RBPMS2: variants seen among roughly 807,000 people sequenced by gnomAD.
The protein encoded by RBPMS2 is RNA binding protein, mRNA processing factor 2.
Under a neutral mutation model 25.7 loss-of-function variants are expected in RBPMS2, and 14 were observed. That is an observed-to-expected ratio of 0.55 (90% CI 0.36 to 0.85). The LOEUF (loss-of-function observed/expected upper bound fraction) is 0.85, where lower values mean the gene tolerates loss of function less well. Ranked by LOEUF, RBPMS2 falls within the 40% of genes least tolerant of loss-of-function variation. The probability of loss-of-function intolerance (pLI) is 0.01; values close to 1 mark genes in which losing one functional copy is unlikely to be tolerated. For missense variants in RBPMS2, 252 were observed against 283.4 expected (o/e 0.89, Z 0.80); for synonymous variants, 127 against 115.6 (o/e 1.10, Z -0.63).
At chr15:64,770,933 C>A (rs566461275) in intron 1 of RBPMS2, among the ~76,000 whole-genome samples, 27 of 152,292 alleles carry the variant, frequency 1.8e-4, no homozygotes, top group Non-Finnish European at 3.4e-4. Context: ...GGATACCAGG[C>A]CTGCAAGCAG....
At chr15:64,760,419 GATGGAAAAGGTA>G (rs2083773074) in intron 1 of RBPMS2, among the ~76,000 whole-genome samples, 1 of 152,184 alleles carries the variant, frequency 6.6e-6, no homozygotes, top group South Asian at 2.1e-4. Context: ...TTTTATTAGT[GATGGAAAAGGTA>G]AACACTGCTT....
intron 6 of RBPMS2, among the ~76,000 whole-genome samples, chr15:64,745,759 G>C (rs903168387): frequency 6.6e-6 from 1 of 152,170 alleles, no homozygotes; most frequent in African/African-American, 2.4e-5. Flanking sequence ...TGCCAAGACA[G>C]AGCAGGACCA....
At chr15:64,758,380 G>A (rs1253791617) in intron 1 of RBPMS2, among the ~76,000 whole-genome samples, 1 of 152,252 alleles carries the variant, frequency 6.6e-6, no homozygotes, top group African/African-American at 2.4e-5. Context: ...AGGTACACCT[G>A]TAGTCACATG....
intron 6 of RBPMS2, among the ~76,000 whole-genome samples, chr15:64,744,809 T>TTTG (rs2083602564): frequency 9.6e-6 from 1 of 104,590 alleles, no homozygotes; most frequent in African/African-American, 4.0e-5. Flanking sequence ...TTTTTTTTTT[T>TTTG]TTTTTTTTTT....
In RBPMS2 at chr15:64,749,043, G is replaced by T. The variant is rs147479047; in HGVS notation, c.375C>A (p.Asn125Lys). ...SKLMATPNPS[N>K]VHPALGAHFI... ...AGTGTGCTCCTAGGGCGGGGTGCAC[G>T]TTGCTGGGATTTGGAGTTGCCATTA... The change falls in exon 5 of 8, where the codon AAC becomes AAA. Residue 125 changes from asparagine (N) to lysine (K), a missense_variant. Asn to Lys is a moderately conservative substitution (Grantham distance 94, BLOSUM62 0). Coordinates refer to ENST00000300069, the MANE Select transcript of RBPMS2 (RefSeq NM_194272.3). The T allele has an allele frequency of 6.2e-7, 1 of 1,614,074 alleles. No homozygotes were observed. Among genetic ancestry groups the T allele is most frequent in the African/African-American group, 1.3e-5 (1 of 74,920 alleles).
At chr15:64,744,140 G>GA (rs974248174) in intron 6 of RBPMS2, among the ~76,000 whole-genome samples, 11 of 144,696 alleles carry the variant, frequency 7.6e-5, no homozygotes, top group South Asian at 2.2e-4. Context: ...AAAGAGAAAG[G>GA]AAAAAAAAAA....
intron 1 of RBPMS2, among the ~76,000 whole-genome samples, chr15:64,771,364 A>C (rs2083891645): frequency 6.6e-6 from 1 of 152,204 alleles, no homozygotes; most frequent in Non-Finnish European, 1.5e-5. Flanking sequence ...CAGATGTTCA[A>C]GTCTCTTATA....
At chr15:64,762,131 C>T (rs970528485) in intron 1 of RBPMS2, among the ~76,000 whole-genome samples, 1 of 152,134 alleles carries the variant, frequency 6.6e-6, no homozygotes, top group Non-Finnish European at 1.5e-5. Context: ...CTGGCCTGGT[C>T]TTCAGCTCAT....
intron 1 of RBPMS2, among the ~76,000 whole-genome samples, chr15:64,765,226 CAAAAAAAAAAAA>C (rs34231406): frequency 1.2e-4 from 6 of 50,902 alleles, no homozygotes; most frequent in East Asian, 6.8e-4. Context: ...GACTCTGTCT[CAAAAAAAAAAAA>C]AAAAAAAAAA....
At chr15:64,756,807 T>A in intron 1 of RBPMS2, among the ~76,000 whole-genome samples, 1 of 5,074 alleles carries the variant, frequency 2.0e-4, no homozygotes, top group African/African-American at 2.5e-4. Context: ...CGCCCAGCTC[T>A]TTTTTTTTTT....
chr15:64,750,274 AC>A, intron 3 of RBPMS2, 68 bp downstream of exon 3: 1 of 1,360,896 alleles, frequency 7.3e-7, no homozygotes. Flanking sequence ...GGAAGGGTTA[AC>A]GGGCCCTTGT....
chr15:64,765,030 G>C (rs930065566), intron 1 of RBPMS2, among the ~76,000 whole-genome samples: 3 of 150,470 alleles, frequency 2.0e-5, no homozygotes, highest in African/African-American at 7.4e-5. Flanking sequence ...TTCGGGACCA[G>C]CCTGGCCAAC....
chr15:64,753,422 T>C (rs1028841070), intron 1 of RBPMS2, among the ~76,000 whole-genome samples: 6 of 152,096 alleles, frequency 3.9e-5, no homozygotes, highest in African/African-American at 1.4e-4. Context: ...GTGGCTTGTC[T>C]CAGGAAGCTG....
intron 2 of RBPMS2, among the ~76,000 whole-genome samples, chr15:64,750,902 G>C (rs557228828): frequency 2.0e-5 from 3 of 151,268 alleles, no homozygotes; most frequent in African/African-American, 7.3e-5. Context: ...GCCAGGCATG[G>C]TGGAGGGTGC....
intron 1 of RBPMS2, among the ~76,000 whole-genome samples, chr15:64,759,775 C>T (rs538009376): frequency 7.7e-4 from 117 of 152,248 alleles, no homozygotes; most frequent in Non-Finnish European, 1.4e-3. Context: ...CGTGTTCAAG[C>T]GATTCTCCTG....
rs1473239368 is a variant in RBPMS2 at position 64,741,071 on chromosome 15, C to G, written c.*8-71G>C. 4.6e-6 allele frequency: 4 copies of G among 865,556 alleles called. No individual in the cohort carries two copies. In the African/African-American group the frequency reaches 6.8e-5, roughly 15 times the overall value. The allele number at this position is 865,556 out of a possible 1,614,324, so 53.6% of individuals were successfully genotyped here. A position where few individuals can be genotyped will look rare whatever the true frequency, so the allele number is the denominator to read the frequency against. On this transcript the variant is annotated intron_variant, in intron 7 of 7. Coordinates refer to ENST00000300069, the MANE Select transcript of RBPMS2 (RefSeq NM_194272.3). ...GAGCTAAAGCCAGGCCTGCTCTGGG[C>G]TCGGCTAAGCTCTTGAGACCCGGGG...
Position 64,770,172 on chromosome 15 carries a change from C to T in RBPMS2, c.87+5061G>A, listed in dbSNP as rs532113694. The stretch of plus-strand genomic sequence containing the variant: ...CCAGCCTGGGTGACATGGCGAGACT[C>T]CGTCTCAAAAAAAAGAAAAAAAAAA... On this transcript the variant is annotated intron_variant, in intron 1 of 7. Coordinates refer to ENST00000300069, the MANE Select transcript of RBPMS2 (RefSeq NM_194272.3). Among the ~76,000 whole-genome samples the T allele has an allele frequency of 1.2e-3, 190 of 152,054 alleles. 1 individual carries two copies. The highest frequency in any genetic ancestry group is 3.3e-3 in the African/African-American group (136 of 41,478).
At chr15:64,773,859 G>C (rs2083909102) in intron 1 of RBPMS2, among the ~76,000 whole-genome samples, 1 of 152,202 alleles carries the variant, frequency 6.6e-6, no homozygotes, top group Non-Finnish European at 1.5e-5. Flanking sequence ...AGTCAGGATG[G>C]GGGCAAGATC....
intron 2 of RBPMS2, 150 bp downstream of exon 2, chr15:64,751,411 C>G (rs1039748963): frequency 2.4e-5 from 15 of 636,816 alleles, no homozygotes; most frequent in Non-Finnish European, 3.9e-5. Flanking sequence ...CATGTGAATT[C>G]GCAGAACCAG....
Sources: allele counts gnomAD v4.1 joint callset (sites outside exome capture counted in the v4.1 genomes callset), GRCh38; gene constraint gnomAD v4.1.1; transcripts MANE v1.5; gene names NCBI Gene and HGNC (gene_info 2026-07-23, HGNC 2026-07-21).